The following RUFY1 variants were observed in gnomAD, a reference collection of about 807,000 sequenced individuals.
The protein encoded by RUFY1 is RUN and FYVE domain containing 1.
A neutral mutation model predicts 94.6 loss-of-function variants in RUFY1; 54 were observed. The ratio of observed to expected loss-of-function variants is 0.57; its 90% CI spans 0.46 to 0.72. RUFY1 has a LOEUF of 0.72. Ranked by LOEUF, RUFY1 falls within the 30% of genes least tolerant of loss-of-function variation. The pLI, the probability that RUFY1 is intolerant of heterozygous loss-of-function variation, is 0.00. For synonymous variants in RUFY1, 396 were observed against 347.3 expected, an observed-to-expected ratio of 1.14 and a Z score of -1.56; for missense variants, 883 against 883.9, an observed-to-expected ratio of 1.00 and a Z score of 0.01.
rs147003425 is a variant in RUFY1 at position 179,605,757 on chromosome 5, T to A, written c.1857-119T>A. On this transcript the variant is annotated intron_variant, in intron 15 of 17. Coordinates refer to ENST00000319449, the MANE Select transcript of RUFY1 (RefSeq NM_025158.5). Reference sequence around the variant, plus strand: ...CGGAAGGCATTTTAACAACTCACGTTCTGGGTCTCCTCACAAGTCCGGTAT... The same window carrying A: ...CGGAAGGCATTTTAACAACTCACGTACTGGGTCTCCTCACAAGTCCGGTAT... 583 of 750,966 alleles carry A rather than the reference T, an allele frequency of 7.8e-4. 1 individual carries two copies. The African/African-American group carries it at 8.5e-3, about 11-fold the overall frequency. The allele number at this position is 750,966 out of a possible 1,614,324, so 46.5% of individuals were successfully genotyped here. A position where few individuals can be genotyped will look rare whatever the true frequency, so the allele number is the denominator to read the frequency against.
At chr5:179,578,411 GT>G (rs1407266273) in intron 6 of RUFY1, among the ~76,000 whole-genome samples, 2 of 151,400 alleles carry the variant, frequency 1.3e-5, no homozygotes, top group Admixed American at 1.3e-4. Context: ...TAGAGACCGG[GT>G]TTCACCATAT....
intron 2 of RUFY1, among the ~76,000 whole-genome samples, chr5:179,561,781 C>G (rs1444865916): frequency 7.1e-6 from 1 of 141,222 alleles, no homozygotes; most frequent in Admixed American, 7.9e-5. Context: ...CTCCCAGGTT[C>G]ACGCCATTCT....
chr5:179,568,552 C>T (rs1763000088), intron 4 of RUFY1, among the ~76,000 whole-genome samples: 1 of 152,100 alleles, frequency 6.6e-6, no homozygotes, highest in African/African-American at 2.4e-5. Flanking sequence ...CACTGAGTAA[C>T]TTTGAGTTAC....
intron 7 of RUFY1, among the ~76,000 whole-genome samples, chr5:179,583,872 C>T (rs1351099171): frequency 6.6e-6 from 1 of 151,950 alleles, no homozygotes; most frequent in Non-Finnish European, 1.5e-5. Flanking sequence ...GCCTCAGCCT[C>T]CCAAGTAGCT....
intron 14 of RUFY1, among the ~76,000 whole-genome samples, 163 bp from the exon 15 acceptor site, chr5:179,601,729 G>A (rs1766423550): frequency 1.4e-5 from 2 of 143,626 alleles, no homozygotes; most frequent in South Asian, 4.5e-4. Flanking sequence ...TGAGGCAGGA[G>A]AATCGCTTGA....
intron 12 of RUFY1, 50 bp downstream of exon 12, chr5:179,595,013 C>G: frequency 7.5e-7 from 1 of 1,333,320 alleles, no homozygotes; most frequent in Non-Finnish European, 1.1e-6. Flanking sequence ...TGAGCATTCC[C>G]TGGGCCTGGA....
intron 3 of RUFY1, among the ~76,000 whole-genome samples, chr5:179,564,586 G>C (rs1393815581): frequency 6.6e-6 from 1 of 151,692 alleles, no homozygotes; most frequent in African/African-American, 2.4e-5. Flanking sequence ...CAGGAGAATT[G>C]CCTGAACCCA....
Position 179,594,878 on chromosome 5 carries a change from A to G in RUFY1, c.1426A>G (p.Ser476Gly), listed in dbSNP as rs1765465192. 2 of 1,612,078 alleles carry G rather than the reference A, an allele frequency of 1.2e-6. No individual in the cohort carries two copies. Among genetic ancestry groups the G allele is most frequent in the Non-Finnish European group, 1.7e-6 (2 of 1,178,636 alleles). Residue 476 changes from serine to glycine, a missense_variant, in exon 12 of 18, where the codon AGT becomes GGT. Coordinates refer to ENST00000319449, the MANE Select transcript of RUFY1 (RefSeq NM_025158.5). ...TTTGCTTTTGTAGAATGCAGAGAGC[A>G]GTTTGCAGCAGAAGAATGAAGCCAT... ...MFHKAQNAES[S>G]LQQKNEAITS...
Position 179,594,935 on chromosome 5 carries a change from A to T in RUFY1, c.1483A>T (p.Met495Leu). The T allele has an allele frequency of 6.2e-7, 1 of 1,612,458 alleles. No homozygotes were observed. Among genetic ancestry groups the T allele is most frequent in the African/African-American group, 1.3e-5 (1 of 74,994 alleles). ...CTTTGAAGGAAAAACCAACCAAGTTATGTCCAGCATGAAACAAATGGAAGA... is the reference window on the plus strand; with the variant it reads ...CTTTGAAGGAAAAACCAACCAAGTTTTGTCCAGCATGAAACAAATGGAAGA... The part of the protein sequence containing the change: ...TSFEGKTNQV[M>L]SSMKQMEERL... The change falls in exon 12 of 18, where the codon ATG becomes TTG. Residue 495 changes from methionine (M) to leucine (L), a missense_variant. Physicochemically the swap from Met to Leu is conservative, Grantham distance 15 (BLOSUM62 2). Coordinates refer to ENST00000319449, the MANE Select transcript of RUFY1 (RefSeq NM_025158.5).
At chr5:179,558,695 C>A (rs941522655) in intron 1 of RUFY1, among the ~76,000 whole-genome samples, 1 of 152,112 alleles carries the variant, frequency 6.6e-6, no homozygotes, top group Admixed American at 6.6e-5. Flanking sequence ...CTCCCCCTAC[C>A]TTCTTGGGTT....
intron 3 of RUFY1, among the ~76,000 whole-genome samples, chr5:179,564,593 C>T (rs1762692254): frequency 6.6e-6 from 1 of 151,706 alleles, no homozygotes; most frequent in Non-Finnish European, 1.5e-5. Context: ...ATTGCCTGAA[C>T]CCAGGAGGTG....
intron 13 of RUFY1, 73 bp downstream of exon 13, chr5:179,596,754 A>T: frequency 1.2e-6 from 1 of 828,324 alleles, no homozygotes; most frequent in South Asian, 2.8e-5. Context: ...GACAGGTGGT[A>T]TCCTGCTTCA....
At chr5:179,584,958 AC>A (rs1391591806) in intron 7 of RUFY1, among the ~76,000 whole-genome samples, 1 of 151,724 alleles carries the variant, frequency 6.6e-6, no homozygotes, top group Non-Finnish European at 1.5e-5. Context: ...ACACAGTGAA[AC>A]CCCGTCTCTA....
rs560811300 is a variant in RUFY1 at position 179,565,379 on chromosome 5, G to A, written c.603-2082G>A. On this transcript the variant is annotated intron_variant, in intron 3 of 17. Coordinates refer to ENST00000319449, the MANE Select transcript of RUFY1 (RefSeq NM_025158.5). ...TTTTTAGTTGAGATGGGAGTTTAAC[G>A]TGTTGGCCAGGCTAGTCTCAAACTC... 5.9e-5 allele frequency among the ~76,000 whole-genome samples: 9 copies of A among 151,716 alleles called. No homozygotes were observed. In the East Asian group the frequency reaches 9.7e-4, roughly 16 times the overall value.
chr5:179,567,033 A>G lies in RUFY1; in HGVS notation c.603-428A>G, dbSNP rs144049771. ...TGCACCACTGCACTCCAGCCTGGGC[A>G]ACAGGCAAGACTCTATCTCAAAAAA... On this transcript the variant is annotated intron_variant, in intron 3 of 17. Transcript: ENST00000319449. 5.1e-3 allele frequency among the ~76,000 whole-genome samples: 777 copies of G among 152,274 alleles called. 10 individuals carry two copies. Among genetic ancestry groups the G allele is most frequent in the African/African-American group, 0.018 (747 of 41,564 alleles).
chr5:179,593,058 C>A (rs1044635093), intron 10 of RUFY1, among the ~76,000 whole-genome samples: 1 of 152,118 alleles, frequency 6.6e-6, no homozygotes, highest in African/African-American at 2.4e-5. Context: ...AAGCTATTCT[C>A]ACCTTCAGTT....
chr5:179,600,684 C>CTTTTTTT lies in RUFY1; in HGVS notation c.1762-1184_1762-1178dup, dbSNP rs398000079. Among the ~76,000 whole-genome samples the CTTTTTTT allele has an allele frequency of 2.0e-3, 108 of 54,712 alleles. 22 individuals are homozygous for CTTTTTTT. Among genetic ancestry groups the CTTTTTTT allele is most frequent in the African/African-American group, 5.8e-3 (72 of 12,444 alleles). The allele number at this position is 54,712 out of a possible 152,430, so 35.9% of individuals were successfully genotyped here. On this transcript the variant is annotated intron_variant, in intron 14 of 17. Coordinates refer to ENST00000319449, the MANE Select transcript of RUFY1 (RefSeq NM_025158.5). ...AGCCTCATTTGTCCTATGATGGTAA[C>CTTTTTTT]TTTTTTTTTTTTTTTTTTTTTTTTT...
chr5:179,566,813 T>C (rs1762865136), intron 3 of RUFY1, among the ~76,000 whole-genome samples: 1 of 152,138 alleles, frequency 6.6e-6, no homozygotes, highest in African/African-American at 2.4e-5. Context: ...CCCAGCACTT[T>C]GCGAGGCCAA....
chr5:179,558,604 G>A (rs1361877500), intron 1 of RUFY1, among the ~76,000 whole-genome samples: 6 of 150,754 alleles, frequency 4.0e-5, no homozygotes, highest in Non-Finnish European at 8.9e-5. Context: ...CACCCCCAAC[G>A]AAATGCTTTA....
Sources: gnomAD v4.1 joint callset for allele counts (sites outside exome capture counted in the v4.1 genomes callset) on GRCh38, gnomAD v4.1.1 for gene constraint, MANE v1.5 for transcripts, NCBI Gene and HGNC (gene_info 2026-07-23, HGNC 2026-07-21) for gene names.